The following PDXK variants were observed in gnomAD, a reference collection of about 807,000 sequenced individuals.
PDXK encodes epididymis secretory sperm binding protein Li 1a.
PDXK carries 15 observed loss-of-function variants against 43.2 expected under a neutral mutation model. The ratio of observed to expected loss-of-function variants is 0.35; its 90% CI spans 0.23 to 0.53. PDXK has a LOEUF of 0.53. Among genes scored for constraint, PDXK ranks in the 20% least tolerant of loss-of-function variants. The pLI is 0.92. For missense variants in PDXK, 343 were observed against 417.0 expected (o/e 0.82, Z 1.54); for synonymous variants, 172 against 165.4 (o/e 1.04, Z -0.31).
rs1023218403 is a variant in PDXK at position 43,735,876 on chromosome 21, C to T, written c.142+1753C>T. Among the ~76,000 whole-genome samples the T allele has an allele frequency of 1.3e-5, 2 of 152,192 alleles. No homozygotes were observed. Among genetic ancestry groups the T allele is most frequent in the African/African-American group, 4.8e-5 (2 of 41,466 alleles). ...TCTCCCCTGCACCGGGGCCCTTCTG[C>T]CTGCTCCCCTTCCCTCGCCCCTGCC... is the stretch of plus-strand genomic sequence containing the variant. On this transcript the variant is annotated intron_variant, in intron 2 of 10. Transcript: ENST00000291565. The surrounding 1 kb of genome is among the most constrained non-coding windows in gnomAD (Gnocchi z 5.3).
At chr21:43,719,468 G>T in intron 1 of PDXK, 87 bp downstream of exon 1, 3 of 1,349,934 alleles carry the variant, frequency 2.2e-6, no homozygotes, top group Non-Finnish European at 3.0e-6. Flanking sequence ...GTTCCCCGAG[G>T]GAGGCTCGGG....
intron 6 of PDXK, among the ~76,000 whole-genome samples, chr21:43,749,868 G>A (rs77693120): frequency 0.015 from 2,315 of 152,358 alleles, 51 homozygotes; most frequent in African/African-American, 0.053. Flanking sequence ...GTTTGAAAAG[G>A]TCTTTCTTTG....
intron 2 of PDXK, among the ~76,000 whole-genome samples, chr21:43,739,900 C>G (rs1248740492): frequency 6.6e-6 from 1 of 151,802 alleles, no homozygotes; most frequent in Non-Finnish European, 1.5e-5. Flanking sequence ...ACCCCTTACC[C>G]CAAACCCCGC....
Position 43,738,000 on chromosome 21 carries a change from A to AGGGGCCT in PDXK, c.143-3658_143-3652dup. 1.0e-6 allele frequency: 1 copy of AGGGGCCT among 985,442 alleles called. No individual in the cohort carries two copies. 61.0% of individuals were successfully genotyped at this position (985,442 alleles called of 1,614,324 possible). Reference sequence around the variant, plus strand: ...GTTTCGATAGGAAGCTGGGCCTCAGAGGGGCCTGGGGCCTGTGTCTGAGAC... The same window carrying AGGGGCCT: ...GTTTCGATAGGAAGCTGGGCCTCAGAGGGGCCTGGGGCCTGGGGCCTGTGTCTGAGAC... On this transcript the variant is annotated intron_variant, in intron 2 of 10. Transcript: ENST00000291565. This position sits in a 1 kb window ranked among gnomAD's most constrained non-coding sequence, Gnocchi z 4.8.
chr21:43,722,854 T>G (rs183705279), intron 1 of PDXK, among the ~76,000 whole-genome samples: 1 of 152,212 alleles, frequency 6.6e-6, no homozygotes. Context: ...TTTCTTTTTT[T>G]TGAGACGGAG....
At chr21:43,751,345 T>C (rs2083747792) in intron 7 of PDXK, among the ~76,000 whole-genome samples, 2 of 152,124 alleles carry the variant, frequency 1.3e-5, no homozygotes, top group Admixed American at 1.3e-4. Flanking sequence ...GGTCAGGAGT[T>C]CGAGACCAGC....
chr21:43,750,518 G>T lies in PDXK; in HGVS notation c.483G>T (p.Lys161Asn). Residue 161 changes from lysine (K) to asparagine (N), a missense_variant, in exon 7 of 11, where the codon AAG becomes AAT. By Grantham distance (94) the Lys-to-Asn change is moderately conservative. Transcript: ENST00000291565. ...QFEAELLSGR[K>N]IHSQEEALRV... ...CTTCCAGGTTACTGAGTGGCCGGAA[G>T]ATCCACAGCCAGGAGGAAGCCTTGC... The T allele has an allele frequency of 6.2e-7, 1 of 1,613,202 alleles. No individual in the cohort carries two copies. The highest frequency in any genetic ancestry group is 8.5e-7 in the Non-Finnish European group (1 of 1,179,530).
rs2083337089 is a variant in PDXK at position 43,732,765 on chromosome 21, TG to T, written c.88-1303del. ...TTTTTATTTTTATTTTTATGTTTTT[TG>T]AGACATATTCTCACTCCGTCACCCA... On this transcript the variant is annotated intron_variant, in intron 1 of 10. Transcript: ENST00000291565. This position sits in a 1 kb window ranked among gnomAD's most constrained non-coding sequence, Gnocchi z 4.1. 1 of 624,782 alleles carries T rather than the reference TG, an allele frequency of 1.6e-6. No individual in the cohort carries two copies. The highest frequency in any genetic ancestry group is 2.8e-6 in the Non-Finnish European group (1 of 355,864). The allele number at this position is 624,782 out of a possible 1,614,324, so 38.7% of individuals were successfully genotyped here.
chr21:43,753,776 C>A, intron 9 of PDXK, 57 bp downstream of exon 9: 1 of 1,554,278 alleles, frequency 6.4e-7, no homozygotes, highest in Non-Finnish European at 8.7e-7. Flanking sequence ...TCATGGGGAG[C>A]AGGATATGAG....
In PDXK at chr21:43,755,946, C is replaced by T. The variant is rs775936068; in HGVS notation, c.827-5C>T. Reference sequence around the variant, plus strand: ...GGAACTCAGTGCTCTCTGCCTGCCCCGCAGCCCAGGCCGGGGAAGGAGTGA... The same window carrying T: ...GGAACTCAGTGCTCTCTGCCTGCCCTGCAGCCCAGGCCGGGGAAGGAGTGA... On this transcript the variant is annotated splice_polypyrimidine_tract_variant and splice_region_variant and intron_variant, in intron 10 of 10. Transcript: ENST00000291565. 29 of 1,601,626 alleles carry T rather than the reference C, an allele frequency of 1.8e-5. No individual in the cohort carries two copies. The highest frequency in any genetic ancestry group is 9.0e-5 in the East Asian group (4 of 44,556).
chr21:43,740,478 G>A (rs2083478569), intron 2 of PDXK, among the ~76,000 whole-genome samples: 1 of 152,026 alleles, frequency 6.6e-6, no homozygotes, highest in Admixed American at 6.6e-5. Context: ...CATGTGGGAG[G>A]AGGCCGGGAG....
At chr21:43,720,467 C>A (rs887330510) in intron 1 of PDXK, among the ~76,000 whole-genome samples, 2 of 152,186 alleles carry the variant, frequency 1.3e-5, no homozygotes, top group African/African-American at 4.8e-5. Context: ...CCAGGAGGAC[C>A]AAGCTGAGCA....
chr21:43,733,654 A>G (rs1224698711), intron 1 of PDXK: 5 of 1,059,072 alleles, frequency 4.7e-6, no homozygotes, highest in Non-Finnish European at 5.7e-6. Context: ...AGACGCCCAC[A>G]TTTTCACAGC....
At chr21:43,750,416 G>T (rs919242239) in intron 6 of PDXK, 84 bp from the exon 7 acceptor site, 4 of 1,236,932 alleles carry the variant, frequency 3.2e-6, no homozygotes, top group South Asian at 1.3e-5. Flanking sequence ...TTCCAGAGCC[G>T]CTGCGGTTTG....
chr21:43,756,382 C>A lies in PDXK; in HGVS notation c.*319C>A. 1 of 297,486 alleles carries A rather than the reference C, an allele frequency of 3.4e-6. No homozygotes were observed. Among genetic ancestry groups the A allele is most frequent in the South Asian group, 3.4e-5 (1 of 29,472 alleles). 18.4% of individuals were successfully genotyped at this position (297,486 alleles called of 1,614,324 possible). A position where few individuals can be genotyped will look rare whatever the true frequency, so the allele number is the denominator to read the frequency against. On this transcript the variant is annotated 3_prime_UTR_variant, in exon 11 of 11. Coordinates refer to ENST00000291565, the MANE Select transcript of PDXK (RefSeq NM_003681.5). ...GGGTGAGTGGGTGAGGCCGAGCCTGCTGCGTGTGGAGCCTCGAGTGGGCCC... is the reference window on the plus strand; with the variant it reads ...GGGTGAGTGGGTGAGGCCGAGCCTGATGCGTGTGGAGCCTCGAGTGGGCCC...
At chr21:43,739,216 T>C (rs983646868) in intron 2 of PDXK, among the ~76,000 whole-genome samples, 1 of 152,130 alleles carries the variant, frequency 6.6e-6, no homozygotes, top group Non-Finnish European at 1.5e-5. Flanking sequence ...AGAGATGAGG[T>C]TTTGCCACGT....
At chr21:43,755,581 C>G (rs942064526) in intron 9 of PDXK, 117 bp from the exon 10 acceptor site, 13 of 876,830 alleles carry the variant, frequency 1.5e-5, no homozygotes, top group Non-Finnish European at 2.1e-5. Context: ...GCCGGCTCCC[C>G]GGTGGCTCGG....
chr21:43,750,868 G>C (rs1004710379), intron 7 of PDXK, among the ~76,000 whole-genome samples: 1 of 151,664 alleles, frequency 6.6e-6, no homozygotes, highest in Non-Finnish European at 1.5e-5. Context: ...ATGTGCGTCT[G>C]TGTGCATGTG....
chr21:43,726,267 T>C (rs991637562), intron 1 of PDXK, among the ~76,000 whole-genome samples: 7 of 144,850 alleles, frequency 4.8e-5, no homozygotes, highest in African/African-American at 1.6e-4. Flanking sequence ...ATTTTTTCTT[T>C]TTCTTTTTTT....
Sources: gnomAD v4.1 joint callset for allele counts (sites outside exome capture counted in the v4.1 genomes callset) on GRCh38, gnomAD v4.1.1 for gene constraint, Gnocchi (gnomAD v3.1) non-coding constraint, MANE v1.5 for transcripts, NCBI Gene and HGNC (gene_info 2026-07-23, HGNC 2026-07-21) for gene names.